The following SMIM22 variants were observed in gnomAD, a reference collection of about 807,000 sequenced individuals.
SMIM22 encodes small integral membrane protein 22.
A neutral mutation model predicts 8.4 loss-of-function variants in SMIM22; 16 were observed. The ratio of observed to expected loss-of-function variants is 1.90; its 90% CI spans 1.29 to 2.89. The LOEUF is 2.89. Ranked by LOEUF, SMIM22 falls within the 30% of genes most tolerant of loss-of-function variation. The probability of loss-of-function intolerance (pLI) is 0.00; values close to 1 mark genes in which losing one functional copy is unlikely to be tolerated. For synonymous variants in SMIM22, 67 were observed against 47.6 expected, an observed-to-expected ratio of 1.41 and a Z score of -1.68; for missense variants, 159 against 107.5, an observed-to-expected ratio of 1.48 and a Z score of -2.12.
In SMIM22 at chr16:4,795,419, C is replaced by A; in HGVS notation, c.-51C>A. The A allele has an allele frequency of 2.7e-6, 1 of 364,962 alleles. No homozygotes were observed. The highest frequency in any genetic ancestry group is 5.1e-6 in the Non-Finnish European group (1 of 196,286). 22.6% of individuals were successfully genotyped at this position (364,962 alleles called of 1,614,324 possible). On this transcript the variant is annotated 5_prime_UTR_variant, in exon 1 of 4. Coordinates refer to ENST00000586005, the MANE Select transcript of SMIM22 (RefSeq NM_001253794.2). Reference sequence around the variant, plus strand: ...AGCAGCCTGTGCTCCCCAGGACCTGCCTGGTTGGGGGAATTGGAGGCTTCT... The same window carrying A: ...AGCAGCCTGTGCTCCCCAGGACCTGACTGGTTGGGGGAATTGGAGGCTTCT...
chr16:4,794,335 C>T (rs1040877617), upstream of SMIM22, among the ~76,000 whole-genome samples: 11 of 151,840 alleles, frequency 7.2e-5, no homozygotes, highest in African/African-American at 1.9e-4. Flanking sequence ...TCTTGATCTC[C>T]TGACCTTGTG....
intron 2 of SMIM22, 23 bp from the exon 3 acceptor site, chr16:4,795,925 C>G (rs1003800651): frequency 1.3e-6 from 2 of 1,522,864 alleles, no homozygotes; most frequent in African/African-American, 1.4e-5. Flanking sequence ...GGGGCCACAC[C>G]TGGACGCCTG....
At chr16:4,794,006 G>C (rs1024602020), upstream of SMIM22, among the ~76,000 whole-genome samples, 4 of 152,170 alleles carry the variant, frequency 2.6e-5, no homozygotes, top group East Asian at 7.7e-4. Flanking sequence ...CATGATCTTG[G>C]CTCACTACAG....
At chr16:4,795,490 G>A (rs1324234592) in intron 1 of SMIM22, 41 bp downstream of exon 1, 3 of 558,556 alleles carry the variant, frequency 5.4e-6, no homozygotes, top group African/African-American at 1.9e-5. Flanking sequence ...GGGGGAGAGA[G>A]AGGGGAGATG....
intron 2 of SMIM22, among the ~76,000 whole-genome samples, chr16:4,790,313 T>C (rs1421090702): frequency 6.6e-6 from 1 of 152,154 alleles, no homozygotes; most frequent in African/African-American, 2.4e-5. Flanking sequence ...CCACAGACAA[T>C]AGGTAAACAG....
At position 4,795,961 on chromosome 16, in the gene SMIM22, C is replaced by CCTGCTGCTGCTGGTCGTCGCCCA. The variant is rs1165053829; in HGVS notation, c.151_173dup (p.Cys58TrpfsTer22). 1.7e-5 allele frequency: 25 copies of CCTGCTGCTGCTGGTCGTCGCCCA among 1,507,490 alleles called. No homozygotes were observed. The highest frequency in any genetic ancestry group is 3.4e-4 in the Middle Eastern group (2 of 5,866). 93.4% of individuals were successfully genotyped at this position (1,507,490 alleles called of 1,614,324 possible). On this transcript the variant is annotated frameshift_variant, in exon 3 of 4. Coordinates refer to ENST00000586005, the MANE Select transcript of SMIM22 (RefSeq NM_001253794.2). LOFTEE classifies it high-confidence loss of function. ...TCCTGTCCCCAGGCACCGTGCTGCT[C>CCTGCTGCTGCTGGTCGTCGCCCA]CTGCTGCTGCTGGTCGTCGCCCACT...
intron 2 of SMIM22, among the ~76,000 whole-genome samples, chr16:4,788,988 C>T (rs1213250033): frequency 6.6e-6 from 1 of 152,208 alleles, no homozygotes; most frequent in Non-Finnish European, 1.5e-5. Flanking sequence ...GTCCTCACCC[C>T]TGCCTTACTG....
At position 4,796,458 on chromosome 16, in the gene SMIM22, C is replaced by G. The variant is rs1053511091; in HGVS notation, c.*227C>G. On this transcript the variant is annotated 3_prime_UTR_variant, in exon 4 of 4. Coordinates refer to ENST00000586005, the MANE Select transcript of SMIM22 (RefSeq NM_001253794.2). The stretch of plus-strand genomic sequence containing the variant: ...TCAGGCCGGGCGCGGTGGCTCACAC[C>G]TATAATCCCAGCACTTTGGGAGGCC... 6.3e-5 allele frequency: 36 copies of G among 574,972 alleles called. No homozygotes were observed. The highest frequency in any genetic ancestry group is 1.0e-4 in the Non-Finnish European group (34 of 324,438). 35.6% of individuals were successfully genotyped at this position (574,972 alleles called of 1,614,324 possible). A position where few individuals can be genotyped will look rare whatever the true frequency, so the allele number is the denominator to read the frequency against.
At chr16:4,794,586 A>C (rs889427508), upstream of SMIM22, among the ~76,000 whole-genome samples, 3 of 151,880 alleles carry the variant, frequency 2.0e-5, no homozygotes, top group African/African-American at 7.3e-5. Flanking sequence ...ACGCCTGGCT[A>C]ATTTTGTATT....
chr16:4,795,635 C>A lies in SMIM22; in HGVS notation c.-20-80C>A, dbSNP rs1596271117. 4.1e-6 allele frequency: 6 copies of A among 1,468,524 alleles called. No individual in the cohort carries two copies. The East Asian group carries it at 1.5e-4, about 36-fold the overall frequency. 91.0% of individuals were successfully genotyped at this position (1,468,524 alleles called of 1,614,324 possible). ...GCGCTGGGCCAGGAGCGGGCAGTGGCTGGGCTGTGGGAAGCCTGGATGTGG... is the reference window on the plus strand; with the variant it reads ...GCGCTGGGCCAGGAGCGGGCAGTGGATGGGCTGTGGGAAGCCTGGATGTGG... On this transcript the variant is annotated intron_variant, in intron 1 of 3. Transcript: ENST00000586005.
chr16:4,791,040 T>C (rs77504642), upstream of SMIM22, among the ~76,000 whole-genome samples: 186 of 152,302 alleles, frequency 1.2e-3, 1 homozygote, highest in African/African-American at 4.3e-3. Flanking sequence ...TGGTGACGTG[T>C]GGACTGCGTT....
chr16:4,794,242 G>A (rs1465958485), upstream of SMIM22, among the ~76,000 whole-genome samples: 1 of 151,858 alleles, frequency 6.6e-6, no homozygotes, highest in Non-Finnish European at 1.5e-5. Context: ...TGAGTAGTTG[G>A]GACTATAGGC....
At chr16:4,791,748 C>G (rs1490339393), upstream of SMIM22, among the ~76,000 whole-genome samples, 1 of 152,118 alleles carries the variant, frequency 6.6e-6, no homozygotes, top group Non-Finnish European at 1.5e-5. Context: ...AGTGCAGTGG[C>G]GAGATCTTGG....
intron 3 of SMIM22, 61 bp downstream of exon 3, chr16:4,796,109 G>C: frequency 6.5e-7 from 1 of 1,536,042 alleles, no homozygotes; most frequent in Non-Finnish European, 8.7e-7. Context: ...GGCGGAAGGT[G>C]AGGGGAGTGG....
upstream of SMIM22, among the ~76,000 whole-genome samples, chr16:4,793,809 C>T (rs1023528604): frequency 6.6e-6 from 1 of 152,204 alleles, no homozygotes; most frequent in African/African-American, 2.4e-5. Flanking sequence ...TGGAGTCTTG[C>T]TCTGTCACCC....
chr16:4,793,602 T>C (rs1023876824), upstream of SMIM22, among the ~76,000 whole-genome samples: 3 of 152,202 alleles, frequency 2.0e-5, no homozygotes, highest in Admixed American at 6.5e-5. Flanking sequence ...AGAGTCCTAG[T>C]ACAGCTGGCC....
At chr16:4,792,376 G>T (rs2082564555), upstream of SMIM22, among the ~76,000 whole-genome samples, 1 of 151,146 alleles carries the variant, frequency 6.6e-6, no homozygotes, top group South Asian at 2.1e-4. Flanking sequence ...ATTTTTAGTA[G>T]AGACGGGGTT....
chr16:4,793,778 G>C (rs1393139808), upstream of SMIM22, among the ~76,000 whole-genome samples: 2 of 152,002 alleles, frequency 1.3e-5, no homozygotes, highest in African/African-American at 4.8e-5. Flanking sequence ...ATAAATATAT[G>C]TATACAATTT....
chr16:4,790,269 T>C (rs996673509), intron 2 of SMIM22, among the ~76,000 whole-genome samples: 1 of 152,178 alleles, frequency 6.6e-6, no homozygotes, highest in Non-Finnish European at 1.5e-5. Context: ...CTGTTGCAAC[T>C]ACTATGCAAC....
Sources: allele counts gnomAD v4.1 joint callset (sites outside exome capture counted in the v4.1 genomes callset), GRCh38; gene constraint gnomAD v4.1.1; transcripts MANE v1.5; gene names NCBI Gene and HGNC (gene_info 2026-07-23, HGNC 2026-07-21).